The following USO1 variants were observed in gnomAD, a reference collection of about 807,000 sequenced individuals.
USO1 encodes the protein USO1 vesicle transport factor.
Under a neutral mutation model 124.5 loss-of-function variants are expected in USO1, and 57 were observed. The observed-to-expected ratio is 0.46, with a 90% CI of 0.37 to 0.57. The LOEUF (loss-of-function observed/expected upper bound fraction) is 0.57, where lower values mean the gene tolerates loss of function less well. Ranked by LOEUF, USO1 falls within the 20% of genes least tolerant of loss-of-function variation. The probability of loss-of-function intolerance (pLI) is 0.00; values close to 1 mark genes in which losing one functional copy is unlikely to be tolerated. For synonymous variants in USO1, 369 were observed against 362.8 expected (o/e 1.02, Z -0.19); for missense variants, 900 against 1,040.6 (o/e 0.86, Z 1.86).
At chr4:75,774,893 ATTT>A in intron 8 of USO1, 97 bp downstream of exon 8, 1 of 1,434,164 alleles carries the variant, frequency 7.0e-7, no homozygotes, top group Non-Finnish European at 9.2e-7. Context: ...GGGGACTCTT[ATTT>A]ATACTCTTTG....
At chr4:75,745,490 C>T (rs181223506) in intron 1 of USO1, 2 of 363,328 alleles carry the variant, frequency 5.5e-6, no homozygotes, top group Admixed American at 3.5e-5. Context: ...AGAGTATGGA[C>T]TTTGGAGTGA....
intron 3 of USO1, among the ~76,000 whole-genome samples, chr4:75,753,028 A>G (rs926666437): frequency 1.3e-5 from 2 of 149,716 alleles, no homozygotes; most frequent in Admixed American, 6.7e-5. Flanking sequence ...GTAGATATTC[A>G]TTTACATATA....
intron 1 of USO1, among the ~76,000 whole-genome samples, chr4:75,738,988 G>A (rs1372955630): frequency 6.6e-6 from 1 of 151,922 alleles, no homozygotes; most frequent in African/African-American, 2.4e-5. Flanking sequence ...GAGTAGCTGG[G>A]ATTACAGGTG....
In USO1 at chr4:75,800,857, A is replaced by C. The variant is rs116288143; in HGVS notation, c.1864+58A>C. ...GAAAGTAATTATATTTATATTGTAC[A>C]TGTATATTCTGGATGCATACAGGTT... On this transcript the variant is annotated intron_variant, in intron 16 of 23. Coordinates refer to ENST00000514213, the MANE Select transcript of USO1 (RefSeq NM_003715.4). 8.8e-4 allele frequency: 1,362 copies of C among 1,548,774 alleles called. 2 individuals carry two copies. Among genetic ancestry groups the C allele is most frequent in the Non-Finnish European group, 1.1e-3 (1,308 of 1,146,324 alleles).
At chr4:75,741,197 T>C (rs1720949259) in intron 1 of USO1, among the ~76,000 whole-genome samples, 3 of 152,164 alleles carry the variant, frequency 2.0e-5, no homozygotes, top group Admixed American at 2.0e-4. Context: ...ATAACAATGG[T>C]AAATATTTGT....
At chr4:75,747,145 G>A (rs1398504293) in intron 1 of USO1, among the ~76,000 whole-genome samples, 2 of 152,152 alleles carry the variant, frequency 1.3e-5, no homozygotes, top group East Asian at 1.9e-4. Context: ...TGTTTATGAA[G>A]ATAGAGAAGC....
At chr4:75,725,062 C>T (rs989050390) in intron 1 of USO1, 177 bp downstream of exon 1, 2 of 689,992 alleles carry the variant, frequency 2.9e-6, no homozygotes, top group African/African-American at 3.7e-5. Flanking sequence ...ATCACGCCCC[C>T]AGCTCAGTCC....
Position 75,770,659 on chromosome 4 carries a change from G to A in USO1, c.396+120G>A, listed in dbSNP as rs528757957. ...AGGTAGTAAAGTTTATTGTATTATA[G>A]CAAGAGATCCACATGGATGTTTCAA... On this transcript the variant is annotated intron_variant, in intron 5 of 23. Transcript: ENST00000514213. The A allele has an allele frequency of 9.8e-5, 143 of 1,455,582 alleles. No homozygotes were observed. The South Asian group carries it at 2.0e-3, about 20-fold the overall frequency. 90.2% of individuals were successfully genotyped at this position (1,455,582 alleles called of 1,614,324 possible). A position where few individuals can be genotyped will look rare whatever the true frequency, so the allele number is the denominator to read the frequency against.
intron 21 of USO1, among the ~76,000 whole-genome samples, chr4:75,810,084 C>G (rs1360590003): frequency 6.6e-6 from 1 of 152,106 alleles, no homozygotes; most frequent in Non-Finnish European, 1.5e-5. Context: ...GTAGTATGGA[C>G]TTATAGGAAA....
chr4:75,743,799 C>T (rs890466012), intron 1 of USO1, among the ~76,000 whole-genome samples: 3 of 151,860 alleles, frequency 2.0e-5, no homozygotes, highest in Admixed American at 2.0e-4. Flanking sequence ...TTTTTTGAGA[C>T]AGAGTCTCGC....
At chr4:75,749,955 A>T (rs1721257548) in intron 1 of USO1, among the ~76,000 whole-genome samples, 1 of 152,022 alleles carries the variant, frequency 6.6e-6, no homozygotes, top group African/African-American at 2.4e-5. Context: ...GGGTTTCATC[A>T]TGTTAGCCAG....
rs1721481544 is a variant in USO1, at chr4:75,757,525, T to G, written c.247T>G (p.Leu83Val). The change falls in exon 4 of 24, where the codon TTG becomes GTG. Residue 83 changes from leucine to valine, a missense_variant. By Grantham distance (32) the Leu-to-Val change is conservative. Around this residue, in one of 2 missense-constraint regions of USO1, gnomAD observed 538 missense variants for 681.6 expected, o/e 0.79. Transcript: ENST00000514213. ...RSDSEIIGYALDTLYNIISNE... is the reference protein window; with the variant it reads ...RSDSEIIGYAVDTLYNIISNE... ...AGATTCTGAAATAATAGGTTATGCT[T>G]TGGACACACTATATAATATAATATC... 6.6e-7 allele frequency: 1 copy of G among 1,515,886 alleles called. No homozygotes were observed. Among genetic ancestry groups the G allele is most frequent in the African/African-American group, 1.4e-5 (1 of 70,226 alleles). The allele number at this position is 1,515,886 out of a possible 1,614,324, so 93.9% of individuals were successfully genotyped here.
chr4:75,812,905 G>A (rs1311323826), intron 23 of USO1, among the ~76,000 whole-genome samples: 2 of 152,084 alleles, frequency 1.3e-5, no homozygotes, highest in Non-Finnish European at 2.9e-5. Flanking sequence ...GAGGTCAGGG[G>A]TTCGAGACCA....
At chr4:75,767,134 A>C (rs1721787573) in intron 4 of USO1, among the ~76,000 whole-genome samples, 2 of 151,896 alleles carry the variant, frequency 1.3e-5, no homozygotes. Flanking sequence ...CCATCTCCCC[A>C]ACCTCTTAAT....
intron 13 of USO1, among the ~76,000 whole-genome samples, chr4:75,797,273 C>T (rs529510014): frequency 2.0e-5 from 3 of 151,866 alleles, no homozygotes; most frequent in Admixed American, 1.3e-4. Flanking sequence ...TTTTTCTCAG[C>T]GAACTGTATG....
chr4:75,806,616 TTATAA>T (rs1171761835), intron 20 of USO1, 44 bp downstream of exon 20: 16 of 1,542,110 alleles, frequency 1.0e-5, no homozygotes, highest in Admixed American at 6.1e-5. Context: ...CATGTTTTAA[TTATAA>T]TAGAATAACA....
At chr4:75,792,382 C>A (rs1248441613) in intron 12 of USO1, among the ~76,000 whole-genome samples, 1 of 152,122 alleles carries the variant, frequency 6.6e-6, no homozygotes, top group Admixed American at 6.5e-5. Context: ...ATTAAAAATA[C>A]AAAAATTATC....
intron 8 of USO1, among the ~76,000 whole-genome samples, chr4:75,780,531 A>G (rs1722189627): frequency 6.6e-6 from 1 of 151,066 alleles, no homozygotes; most frequent in South Asian, 2.1e-4. Context: ...GTGGCCTCCC[A>G]AAGTGCTGGG....
intron 8 of USO1, among the ~76,000 whole-genome samples, 168 bp from the exon 9 acceptor site, chr4:75,782,512 A>G (rs1215298407): frequency 6.6e-6 from 1 of 152,230 alleles, no homozygotes; most frequent in African/African-American, 2.4e-5. Context: ...CCTGAGAAAG[A>G]GCATGCAGGT....
Sources: gnomAD v4.1 joint callset for allele counts (sites outside exome capture counted in the v4.1 genomes callset) on GRCh38, gnomAD v4.1.1 for gene constraint, gnomAD v4.1.1 regional missense constraint, MANE v1.5 for transcripts, NCBI Gene and HGNC (gene_info 2026-07-23, HGNC 2026-07-21) for gene names.